Variants in FHL3 observed in about 807,000 individuals in gnomAD.
FHL3 encodes the protein four and a half LIM domains protein 3.
Under a neutral mutation model 34.3 loss-of-function variants are expected in FHL3, and 21 were observed. The ratio of observed to expected loss-of-function variants is 0.61; its 90% confidence interval spans 0.43 to 0.88. FHL3 has a LOEUF of 0.88. Ranked by LOEUF, FHL3 falls within the 40% of genes least tolerant of loss-of-function variation. FHL3 has a pLI of 0.00. For synonymous variants in FHL3, 137 were observed against 144.6 expected (o/e 0.95, Z 0.38); for missense variants, 333 against 373.7 (o/e 0.89, Z 0.90).
rs775597521 is a variant in FHL3 at position 37,997,971 on chromosome 1, A to G, written c.493T>C (p.Cys165Arg). ...ENKFAPRCAR[C>R]SKTLTQGGVT... ...GCTGGCCCAGCCCCCACCTTGCTGCAGCGGGCGCAGCGAGGAGCAAACTTG... is the reference window on the plus strand; with the variant it reads ...GCTGGCCCAGCCCCCACCTTGCTGCGGCGGGCGCAGCGAGGAGCAAACTTG... The change falls in exon 4 of 6, where the codon TGC becomes CGC. Residue 165 changes from cysteine to arginine, a missense_variant. Coordinates refer to ENST00000373016, the MANE Select transcript of FHL3 (RefSeq NM_004468.5). This position sits in a 1 kb window ranked among gnomAD's most constrained non-coding sequence, Gnocchi z 4.3. 3 of 1,613,998 alleles carry G rather than the reference A, an allele frequency of 1.9e-6. No individual in the cohort carries two copies. The African/African-American group carries it at 4.0e-5, about 22-fold the overall frequency.
chr1:38,001,857 C>A (rs1048650707), intron 1 of FHL3, among the ~76,000 whole-genome samples: 1 of 152,212 alleles, frequency 6.6e-6, no homozygotes, highest in Non-Finnish European at 1.5e-5. Context: ...CCTGCACTTA[C>A]TGGCTGAGTG....
At chr1:37,999,554 G>T in intron 1 of FHL3, 122 bp from the exon 2 acceptor site, 1 of 882,814 alleles carries the variant, frequency 1.1e-6, no homozygotes. Flanking sequence ...CCAGTTCAGA[G>T]TAGGTGGGGA....
Position 37,997,559 on chromosome 1 carries a change from C to T in FHL3, c.689G>A (p.Gly230Glu), listed in dbSNP as rs765462219. ...GGACACATACTTGCCTCCACCGAGT[C>T]CTGGAGGGAGGCTGGAAGTTAGCTA... ...KCSSCKRPIVGLGGGKYVSFE... is the reference protein window; with the variant it reads ...KCSSCKRPIVELGGGKYVSFE... Residue 230 changes from glycine to glutamate, a missense_variant and splice_region_variant, in exon 6 of 6, where the codon GGA (glycine) becomes GAA (glutamate). Transcript: ENST00000373016. The surrounding 1 kb of genome is among the most constrained non-coding windows in gnomAD (Gnocchi z 4.3). 1 of 1,613,624 alleles carries T rather than the reference C, an allele frequency of 6.2e-7. No individual in the cohort carries two copies. Among genetic ancestry groups the T allele is most frequent in the East Asian group, 2.2e-5 (1 of 44,812 alleles).
In FHL3 at chr1:37,997,337, G is replaced by A; in HGVS notation, c.*68C>T. The A allele has an allele frequency of 1.3e-6, 2 of 1,523,806 alleles. No homozygotes were observed. Among genetic ancestry groups the A allele is most frequent in the Non-Finnish European group, 8.8e-7 (1 of 1,130,196 alleles). The allele number at this position is 1,523,806 out of a possible 1,614,324, so 94.4% of individuals were successfully genotyped here. On this transcript the variant is annotated 3_prime_UTR_variant, in exon 6 of 6. Coordinates refer to ENST00000373016, the MANE Select transcript of FHL3 (RefSeq NM_004468.5). This position sits in a 1 kb window ranked among gnomAD's most constrained non-coding sequence, Gnocchi z 4.3. ...TGGCGGGGGGAGCTGAGTCCCAGAGGTGGTTTAGAAAAGGAGCCACAGTCC... is the reference window on the plus strand; with the variant it reads ...TGGCGGGGGGAGCTGAGTCCCAGAGATGGTTTAGAAAAGGAGCCACAGTCC...
intron 1 of FHL3, among the ~76,000 whole-genome samples, chr1:38,004,191 G>A (rs118003086): frequency 1.3e-5 from 2 of 152,164 alleles, no homozygotes; most frequent in Admixed American, 1.3e-4. Flanking sequence ...GCAAGATCCC[G>A]CAGCTGCTCT....
Position 37,998,053 on chromosome 1 carries a change from G to T in FHL3, c.411C>A (p.Gly137=), listed in dbSNP as rs750920418. ...FLCSGCEQPL[G]SRSFVPDKGA... is the part of the protein sequence containing the mutation. ...CCTTGTCGGGCACAAAAGAACGGGAGCCCAGTGGCTGTTCACAGCCACTGC... is the reference window on the plus strand; with the variant it reads ...CCTTGTCGGGCACAAAAGAACGGGATCCCAGTGGCTGTTCACAGCCACTGC... Residue 137 remains glycine (G), a synonymous_variant, in exon 4 of 6, where the codon GGC becomes GGA. Transcript: ENST00000373016. 2.5e-6 allele frequency: 4 copies of T among 1,613,958 alleles called. No individual in the cohort carries two copies. The highest frequency in any genetic ancestry group is 1.3e-5 in the African/African-American group (1 of 74,910).
Position 37,997,515 on chromosome 1 carries a change from G to A in FHL3, c.733C>T (p.His245Tyr), listed in dbSNP as rs1419794916. ...CGGGCGCAGGAGAAGCAGTTGTGGT[G>A]CCAGTGTCGGTCTTCAAAGGACACA... Reference protein sequence around the residue: ...KYVSFEDRHWHHNCFSCARCS... With the variant: ...KYVSFEDRHWYHNCFSCARCS... The change falls in exon 6 of 6, where the codon CAC (histidine) becomes TAC (tyrosine). Residue 245 changes from histidine (H) to tyrosine (Y), a missense_variant. By Grantham distance (83) the His-to-Tyr change is moderately conservative. Transcript: ENST00000373016. This position sits in a 1 kb window ranked among gnomAD's most constrained non-coding sequence, Gnocchi z 4.3. The A allele has an allele frequency of 6.2e-7, 1 of 1,612,504 alleles. No individual in the cohort carries two copies. Among genetic ancestry groups the A allele is most frequent in the Non-Finnish European group, 8.5e-7 (1 of 1,179,466 alleles).
In FHL3 at chr1:37,999,076, C is replaced by T. The variant is rs772627592; in HGVS notation, c.229G>A (p.Asp77Asn). 37 of 1,614,220 alleles carry T rather than the reference C, an allele frequency of 2.3e-5. No homozygotes were observed. Among genetic ancestry groups the T allele is most frequent in the East Asian group, 8.9e-5 (4 of 44,896 alleles). ...RCCRCQRSLA[D>N]EPFTCQDSEL... ...CTGTCCTGGCAGGTGAAGGGTTCAT[C>T]GGCTAGTGAGCGCTGGCAGCGGCAG... Residue 77 changes from aspartate (D) to asparagine (N), a missense_variant, in exon 3 of 6, where the codon GAT becomes AAT. By Grantham distance (23) the Asp-to-Asn change is conservative. Transcript: ENST00000373016.
At chr1:38,001,300 G>A (rs1473639387) in intron 1 of FHL3, among the ~76,000 whole-genome samples, 1 of 152,254 alleles carries the variant, frequency 6.6e-6, no homozygotes, top group African/African-American at 2.4e-5. Flanking sequence ...TGGGCTGTCA[G>A]CCACGGGGCA....
At chr1:38,004,816 C>T (rs1358544106) in intron 1 of FHL3, among the ~76,000 whole-genome samples, 2 of 152,192 alleles carry the variant, frequency 1.3e-5, no homozygotes, top group Non-Finnish European at 2.9e-5. Context: ...AGCCTCAGGG[C>T]ACCTCCAAGG....
At chr1:38,005,094 T>A (rs1451720319) in intron 1 of FHL3, among the ~76,000 whole-genome samples, 1 of 151,974 alleles carries the variant, frequency 6.6e-6, no homozygotes, top group Non-Finnish European at 1.5e-5. Context: ...CTCTCCGGCT[T>A]TTCTATTTCA....
chr1:37,999,240 C>A lies in FHL3; in HGVS notation c.156+17G>T. The A allele has an allele frequency of 6.2e-7, 1 of 1,614,180 alleles. No homozygotes were observed. Among genetic ancestry groups the A allele is most frequent in the Non-Finnish European group, 8.5e-7 (1 of 1,179,996 alleles). Reference sequence around the variant, plus strand: ...TGGTCACCACCCACCTCCTGCCTGGCCTGGCCCTCTCCTTACCCTCGAGTC... The same window carrying A: ...TGGTCACCACCCACCTCCTGCCTGGACTGGCCCTCTCCTTACCCTCGAGTC... On this transcript the variant is annotated intron_variant, in intron 2 of 5. Transcript: ENST00000373016.
chr1:38,001,809 T>C (rs1282405833), intron 1 of FHL3, among the ~76,000 whole-genome samples: 1 of 152,148 alleles, frequency 6.6e-6, no homozygotes, highest in Non-Finnish European at 1.5e-5. Flanking sequence ...GGCTATGGTG[T>C]ATGGAGCAGC....
At position 37,997,507 on chromosome 1, in the gene FHL3, G is replaced by A; in HGVS notation, c.741C>T (p.Asn247=). ...VSFEDRHWHH[N]CFSCARCSTS... is the part of the protein sequence containing the mutation. Reference sequence around the variant, plus strand: ...TAGAGCAGCGGGCGCAGGAGAAGCAGTTGTGGTGCCAGTGTCGGTCTTCAA... The same window carrying A: ...TAGAGCAGCGGGCGCAGGAGAAGCAATTGTGGTGCCAGTGTCGGTCTTCAA... The change falls in exon 6 of 6, where the codon AAC becomes AAT. Residue 247 remains asparagine, a synonymous_variant. Transcript: ENST00000373016. The surrounding 1 kb of genome is among the most constrained non-coding windows in gnomAD (Gnocchi z 4.3). The A allele has an allele frequency of 6.2e-7, 1 of 1,612,914 alleles. No homozygotes were observed. The highest frequency in any genetic ancestry group is 8.5e-7 in the Non-Finnish European group (1 of 1,179,576).
At chr1:37,999,532 G>T in intron 1 of FHL3, 100 bp from the exon 2 acceptor site, 1 of 1,160,384 alleles carries the variant, frequency 8.6e-7, no homozygotes. Context: ...AAGAGACCCG[G>T]CATAGGAAAT....
In FHL3 at chr1:38,000,396, C is replaced by T. The variant is rs371824178; in HGVS notation, c.-20-964G>A. On this transcript the variant is annotated intron_variant, in intron 1 of 5. Coordinates refer to ENST00000373016, the MANE Select transcript of FHL3 (RefSeq NM_004468.5). ...ATCCCCTGGGGTCATGATTTCCCTC[C>T]TACTGCCTCTGGGAGAGAAGGTCTC... Among the ~76,000 whole-genome samples, 50 of 152,264 alleles carry T rather than the reference C, an allele frequency of 3.3e-4. 2 individuals are homozygous for T. In the South Asian group the frequency reaches 6.2e-3, roughly 19 times the overall value.
In FHL3 at chr1:37,997,321, G is replaced by A; in HGVS notation, c.*84C>T. Reference sequence around the variant, plus strand: ...GGAGACCCATTTTTTTTGGCGGGGGGAGCTGAGTCCCAGAGGTGGTTTAGA... The same window carrying A: ...GGAGACCCATTTTTTTTGGCGGGGGAAGCTGAGTCCCAGAGGTGGTTTAGA... On this transcript the variant is annotated 3_prime_UTR_variant, in exon 6 of 6. Coordinates refer to ENST00000373016, the MANE Select transcript of FHL3 (RefSeq NM_004468.5). This position sits in a 1 kb window ranked among gnomAD's most constrained non-coding sequence, Gnocchi z 4.3. The A allele has an allele frequency of 6.9e-7, 1 of 1,448,074 alleles. No individual in the cohort carries two copies. Among genetic ancestry groups the A allele is most frequent in the Non-Finnish European group, 9.3e-7 (1 of 1,072,750 alleles). 89.7% of individuals were successfully genotyped at this position (1,448,074 alleles called of 1,614,324 possible). A position where few individuals can be genotyped will look rare whatever the true frequency, so the allele number is the denominator to read the frequency against.
intron 3 of FHL3, chr1:37,998,721 TC>T: frequency 1.9e-6 from 1 of 518,022 alleles, no homozygotes; most frequent in South Asian, 2.3e-5. Flanking sequence ...CACCTCTAGT[TC>T]CTACCTGTAC....
intron 1 of FHL3, 60 bp from the exon 2 acceptor site, chr1:37,999,492 CAA>C: frequency 2.0e-6 from 3 of 1,516,460 alleles, no homozygotes; most frequent in South Asian, 1.2e-5. Context: ...TGGCTCCTGG[CAA>C]AGAGGCCTCT....
Sources: allele counts gnomAD v4.1 joint callset (sites outside exome capture counted in the v4.1 genomes callset), GRCh38; gene constraint gnomAD v4.1.1; non-coding constraint Gnocchi (gnomAD v3.1); transcripts MANE v1.5; gene names NCBI Gene and HGNC (gene_info 2026-07-23, HGNC 2026-07-21).